NDUFA10: variants seen among roughly 807,000 people sequenced by gnomAD.
NDUFA10 encodes NADH:ubiquinone oxidoreductase subunit A10.
NDUFA10 carries 40 observed loss-of-function variants against 47.8 expected under a neutral mutation model. That is an observed-to-expected ratio of 0.84 (90% CI 0.65 to 1.09). The LOEUF is 1.09. Ranked by LOEUF, NDUFA10 falls within the 50% of genes least tolerant of loss-of-function variation. NDUFA10 has a pLI of 0.00. For synonymous variants in NDUFA10, 183 were observed against 172.2 expected (o/e 1.06, Z -0.49); for missense variants, 413 against 451.1 (o/e 0.92, Z 0.76).
intron 4 of NDUFA10, among the ~76,000 whole-genome samples, chr2:239,946,447 A>C (rs1331563243): frequency 6.6e-6 from 1 of 152,196 alleles, no homozygotes; most frequent in Non-Finnish European, 1.5e-5. Flanking sequence ...CAAACCCCTC[A>C]GTGATGCCTC....
chr2:239,992,046 A>C (rs1696273980), intron 8 of NDUFA10, among the ~76,000 whole-genome samples: 2 of 152,222 alleles, frequency 1.3e-5, no homozygotes, highest in South Asian at 4.1e-4. Context: ...CTTTCAATTT[A>C]TTACTATGAG....
intron 9 of NDUFA10, among the ~76,000 whole-genome samples, chr2:239,977,956 C>T (rs1053408206): frequency 1.4e-4 from 21 of 152,188 alleles, no homozygotes; most frequent in African/African-American, 5.1e-4. Flanking sequence ...CCTCACCCAC[C>T]CCTCCAGCCT....
intron 4 of NDUFA10, among the ~76,000 whole-genome samples, chr2:239,932,007 T>G (rs1243707078): frequency 6.6e-6 from 1 of 151,992 alleles, no homozygotes; most frequent in Non-Finnish European, 1.5e-5. Context: ...AGCTATTTTT[T>G]GTATTTTTAG....
intron 4 of NDUFA10, among the ~76,000 whole-genome samples, chr2:239,932,392 C>T (rs1196732990): frequency 6.6e-6 from 1 of 152,202 alleles, no homozygotes; most frequent in East Asian, 1.9e-4. Context: ...CCTGCAAAGC[C>T]TACACGGTTA....
intron 9 of NDUFA10, among the ~76,000 whole-genome samples, chr2:239,967,571 T>C (rs1175132701): frequency 6.6e-6 from 1 of 152,198 alleles, no homozygotes; most frequent in East Asian, 1.9e-4. Flanking sequence ...GTCCACGACG[T>C]GGTTTAAGTT....
intron 3 of NDUFA10, among the ~76,000 whole-genome samples, chr2:240,020,486 AGAATGATT>A: frequency 6.6e-6 from 1 of 152,322 alleles, no homozygotes; most frequent in South Asian, 2.1e-4. Flanking sequence ...GCTGTTTCCC[AGAATGATT>A]ACAGTAACCC....
At chr2:239,934,606 T>G (rs1216436212) in intron 4 of NDUFA10, among the ~76,000 whole-genome samples, 1 of 152,206 alleles carries the variant, frequency 6.6e-6, no homozygotes, top group Non-Finnish European at 1.5e-5. Flanking sequence ...TGTTTTGTAC[T>G]GGGAGCATTC....
chr2:239,987,469 C>T lies in NDUFA10; in HGVS notation c.999+2605G>A, dbSNP rs1444555953. 5.3e-5 allele frequency among the ~76,000 whole-genome samples: 8 copies of T among 151,874 alleles called. No homozygotes were observed. The East Asian group carries it at 1.4e-3, about 26-fold the overall frequency. ...ACCGAGACCACACTCGGCGAACCAT[C>T]ACATTCAAGAGTTTGAAGATAACAG... On this transcript the variant is annotated intron_variant, in intron 9 of 9. Transcript: ENST00000252711. This position sits in a 1 kb window ranked among gnomAD's most constrained non-coding sequence, Gnocchi z 4.8.
exon 6 of NDUFA10, chr2:239,892,493 T>A (rs1157517627): frequency 6.6e-6 from 1 of 152,258 alleles, no homozygotes; most frequent in Non-Finnish European, 1.5e-5. Context: ...TGCTGTAAGA[T>A]GACGTATGGG....
intron 9 of NDUFA10, among the ~76,000 whole-genome samples, chr2:239,962,820 G>A (rs761604021): frequency 2.6e-5 from 4 of 152,156 alleles, no homozygotes; most frequent in Admixed American, 6.5e-5. Context: ...AAGAGCAAGA[G>A]CATGAGGCGG....
At chr2:239,923,269 C>G (rs1283309678) in intron 4 of NDUFA10, among the ~76,000 whole-genome samples, 1 of 152,110 alleles carries the variant, frequency 6.6e-6, no homozygotes, top group Non-Finnish European at 1.5e-5. Context: ...ACAAAATCAG[C>G]AAAGATGCAT....
rs1694774924 is a variant in NDUFA10 at position 239,959,813 on chromosome 2, G to GGGAGGGAAGGAGGAGGAAAGAA, written c.*1283_*1304dup. The stretch of plus-strand genomic sequence containing the variant: ...AGGACAGATGGAAGGAAGAAAGGAA[G>GGGAGGGAAGGAGGAGGAAAGAA]GGAGGGAAGGAGGAGGAAAGAAGGA... On this transcript the variant is annotated 3_prime_UTR_variant, in exon 10 of 10. Coordinates refer to ENST00000252711, the MANE Select transcript of NDUFA10 (RefSeq NM_004544.4). 2 of 869,734 alleles carry GGGAGGGAAGGAGGAGGAAAGAA rather than the reference G, an allele frequency of 2.3e-6. No homozygotes were observed. The highest frequency in any genetic ancestry group is 2.8e-6 in the Non-Finnish European group (2 of 724,936). The allele number at this position is 869,734 out of a possible 1,614,324, so 53.9% of individuals were successfully genotyped here.
At chr2:239,915,113 ACAG>A (rs1693832244) in intron 4 of NDUFA10, among the ~76,000 whole-genome samples, 1 of 100,716 alleles carries the variant, frequency 9.9e-6, no homozygotes, top group Admixed American at 9.1e-5. Flanking sequence ...ATACACACAC[ACAG>A]AACACACACA....
chr2:239,966,017 G>GA (rs1254913207), intron 9 of NDUFA10, among the ~76,000 whole-genome samples: 5 of 152,016 alleles, frequency 3.3e-5, no homozygotes, highest in Admixed American at 6.5e-5. Flanking sequence ...TTACTGAAGG[G>GA]AAAAAAAACC....
At chr2:239,916,237 CAG>C (rs1693877020) in intron 4 of NDUFA10, among the ~76,000 whole-genome samples, 1 of 145,106 alleles carries the variant, frequency 6.9e-6, no homozygotes, top group Non-Finnish European at 1.5e-5. Context: ...TACACACAGA[CAG>C]ACACACAGAG....
At chr2:240,004,192 A>G (rs573905292) in intron 8 of NDUFA10, among the ~76,000 whole-genome samples, 217 of 152,240 alleles carry the variant, frequency 1.4e-3, no homozygotes, top group African/African-American at 5.0e-3. Context: ...GAAGAGGGGC[A>G]GCGGTGCTGC....
chr2:240,018,668 A>C (rs984225206), intron 3 of NDUFA10, 29 bp from the exon 4 acceptor site: 36 of 1,610,410 alleles, frequency 2.2e-5, no homozygotes, highest in Admixed American at 3.3e-5. Context: ...ACAGAAATTG[A>C]AAATCAGACA....
intron 4 of NDUFA10, among the ~76,000 whole-genome samples, chr2:239,909,195 T>C (rs570317510): frequency 6.8e-6 from 1 of 147,228 alleles, no homozygotes; most frequent in East Asian, 1.9e-4. Context: ...AAAACCAAAG[T>C]GGGGTCTTAA....
At chr2:239,961,230 G>C in intron 9 of NDUFA10, 44 bp from the exon 10 acceptor site, 1 of 1,613,870 alleles carries the variant, frequency 6.2e-7, no homozygotes, top group South Asian at 1.1e-5. Context: ...TAACGTGAAT[G>C]AATGTTTCCC....
Sources: allele counts gnomAD v4.1 joint callset (sites outside exome capture counted in the v4.1 genomes callset), GRCh38; gene constraint gnomAD v4.1.1; non-coding constraint Gnocchi (gnomAD v3.1); transcripts MANE v1.5; gene names NCBI Gene and HGNC (gene_info 2026-07-23, HGNC 2026-07-21).